The following RBMS3 variants were observed in gnomAD, a reference collection of about 807,000 sequenced individuals.
RBMS3 encodes RNA binding motif single stranded interacting protein 3.
Under a neutral mutation model 66.8 loss-of-function variants are expected in RBMS3, and 27 were observed. The observed-to-expected ratio is 0.40, with a 90% confidence interval of 0.30 to 0.56. The LOEUF (loss-of-function observed/expected upper bound fraction) is 0.56. Among genes scored for constraint, RBMS3 ranks in the 20% least tolerant of loss-of-function variants. The probability of loss-of-function intolerance (pLI) is 0.40; values close to 1 mark genes in which losing one functional copy is unlikely to be tolerated. For missense variants in RBMS3, 513 were observed against 549.5 expected, an observed-to-expected ratio of 0.93 and a Z score of 0.66; for synonymous variants, 188 against 183.0, an observed-to-expected ratio of 1.03 and a Z score of -0.22.
intron 12 of RBMS3, among the ~76,000 whole-genome samples, chr3:29,950,456 G>T (rs1277106913): frequency 6.6e-6 from 1 of 151,834 alleles, no homozygotes; most frequent in Non-Finnish European, 1.5e-5. Flanking sequence ...CAGCACATCT[G>T]GTACTGAAAT....
intron 3 of RBMS3, among the ~76,000 whole-genome samples, chr3:29,546,464 T>C (rs1185229027): frequency 6.6e-6 from 1 of 152,140 alleles, no homozygotes; most frequent in Non-Finnish European, 1.5e-5. Flanking sequence ...TGAAAAATGG[T>C]TAAGAGGCCA....
At chr3:29,363,450 G>T (rs1575619828) in intron 1 of RBMS3, among the ~76,000 whole-genome samples, 2 of 152,142 alleles carry the variant, frequency 1.3e-5, no homozygotes, top group East Asian at 3.9e-4. Context: ...TCACTAAGTA[G>T]TGAAAATATT....
intron 1 of RBMS3, among the ~76,000 whole-genome samples, chr3:29,304,242 A>T (rs1205658707): frequency 2.0e-5 from 3 of 151,982 alleles, no homozygotes; most frequent in Non-Finnish European, 2.9e-5. Context: ...TCTCTAGGAG[A>T]TTAGTTACAA....
At chr3:29,835,120 A>C (rs1259979258) in intron 6 of RBMS3, among the ~76,000 whole-genome samples, 1 of 152,116 alleles carries the variant, frequency 6.6e-6, no homozygotes, top group Non-Finnish European at 1.5e-5. Context: ...CCACTATTAA[A>C]GCACCTAAAT....
intron 1 of RBMS3, among the ~76,000 whole-genome samples, chr3:29,419,652 A>C (rs956217891): frequency 1.3e-5 from 2 of 152,220 alleles, no homozygotes; most frequent in African/African-American, 2.4e-5. Context: ...TAATATAATG[A>C]GCTGTAATTC....
chr3:29,947,759 A>C (rs540646051), intron 12 of RBMS3, among the ~76,000 whole-genome samples: 1 of 151,378 alleles, frequency 6.6e-6, no homozygotes, highest in East Asian at 2.0e-4. Context: ...TTTTCTATAC[A>C]TGGTTGGGTT....
At chr3:29,417,819 T>C (rs191095772) in intron 1 of RBMS3, among the ~76,000 whole-genome samples, 38 of 152,264 alleles carry the variant, frequency 2.5e-4, no homozygotes, top group Non-Finnish European at 5.0e-4. Flanking sequence ...TGAAATAAAG[T>C]ATATAATCAG....
chr3:29,433,464 AATATTC>A (rs933151535), intron 1 of RBMS3, among the ~76,000 whole-genome samples: 3 of 152,184 alleles, frequency 2.0e-5, no homozygotes, highest in African/African-American at 7.2e-5. Context: ...ACAAACCATG[AATATTC>A]ATATTATTGT....
At chr3:29,777,024 A>G (rs2056450307) in intron 6 of RBMS3, among the ~76,000 whole-genome samples, 2 of 151,888 alleles carry the variant, frequency 1.3e-5, no homozygotes, top group Admixed American at 6.6e-5. Context: ...ATGTAGTCAT[A>G]CACAAATTTG....
At chr3:29,367,513 A>G (rs902536595) in intron 1 of RBMS3, among the ~76,000 whole-genome samples, 1 of 152,124 alleles carries the variant, frequency 6.6e-6, no homozygotes, top group African/African-American at 2.4e-5. Flanking sequence ...CCATATTCCA[A>G]ATTGGCTGTT....
chr3:29,439,606 T>TTTA (rs1304397801), intron 2 of RBMS3, among the ~76,000 whole-genome samples: 1 of 151,376 alleles, frequency 6.6e-6, no homozygotes, highest in Non-Finnish European at 1.5e-5. Flanking sequence ...TATTTATTTA[T>TTTA]TTATTTTTAT....
At position 29,434,790 on chromosome 3, in the gene RBMS3, C is replaced by G. The variant is rs1219346534; in HGVS notation, c.123C>G (p.Ser41Arg). 1.2e-6 allele frequency: 2 copies of G among 1,614,086 alleles called. No homozygotes were observed. The highest frequency in any genetic ancestry group is 1.7e-6 in the Non-Finnish European group (2 of 1,179,986). ...APHPMAPPSP[S>R]TNSSSNNSSN... is the part of the protein sequence containing the mutation. ...ACCCCATGGCTCCTCCCAGCCCCAGCACAAACAGCAGCAGCAACAACAGCA... is the reference window on the plus strand; with the variant it reads ...ACCCCATGGCTCCTCCCAGCCCCAGGACAAACAGCAGCAGCAACAACAGCA... The change falls in exon 2 of 15, where the codon AGC becomes AGG. Residue 41 changes from serine to arginine, a missense_variant. Transcript: ENST00000383767.
At chr3:29,941,743 G>T (rs1007892793) in intron 11 of RBMS3, among the ~76,000 whole-genome samples, 1 of 151,708 alleles carries the variant, frequency 6.6e-6, no homozygotes, top group East Asian at 1.9e-4. Context: ...TGAACAGATA[G>T]TTGATAAAAG....
chr3:29,868,085 C>A (rs530453973), intron 6 of RBMS3, among the ~76,000 whole-genome samples: 39 of 152,022 alleles, frequency 2.6e-4, no homozygotes, highest in Non-Finnish European at 4.7e-4. Context: ...AATAATTTTG[C>A]CCTGTTGGGT....
intron 4 of RBMS3, among the ~76,000 whole-genome samples, chr3:29,652,831 G>A (rs1335496899): frequency 1.3e-5 from 2 of 152,116 alleles, no homozygotes; most frequent in East Asian, 3.8e-4. Flanking sequence ...AACTTCACAA[G>A]TATTGATGTT....
intron 5 of RBMS3, among the ~76,000 whole-genome samples, chr3:29,747,811 G>A (rs2054991595): frequency 6.6e-6 from 1 of 152,154 alleles, no homozygotes; most frequent in African/African-American, 2.4e-5. Flanking sequence ...GGAAAGAGCG[G>A]GCAAACAGGG....
At chr3:29,680,418 T>C (rs975043960) in intron 4 of RBMS3, among the ~76,000 whole-genome samples, 1 of 152,114 alleles carries the variant, frequency 6.6e-6, no homozygotes, top group African/African-American at 2.4e-5. Flanking sequence ...CTGAGTAGAG[T>C]TTTGTTGGCA....
intron 4 of RBMS3, among the ~76,000 whole-genome samples, chr3:29,598,939 TAAGTG>T (rs1247860402): frequency 6.6e-6 from 1 of 152,094 alleles, no homozygotes; most frequent in East Asian, 1.9e-4. Context: ...CAAAGAGAAC[TAAGTG>T]AAGTGAAGTA....
intron 2 of RBMS3, among the ~76,000 whole-genome samples, chr3:29,470,704 T>G (rs779086596): frequency 3.9e-5 from 6 of 152,108 alleles, no homozygotes; most frequent in Non-Finnish European, 8.8e-5. Context: ...TGAAGTTTAT[T>G]GGAATGCTTA....
Sources: allele counts gnomAD v4.1 joint callset (sites outside exome capture counted in the v4.1 genomes callset), GRCh38; gene constraint gnomAD v4.1.1; transcripts MANE v1.5; gene names NCBI Gene and HGNC (gene_info 2026-07-23, HGNC 2026-07-21).